The following RANBP2 variants were observed in gnomAD, a reference collection of about 807,000 sequenced individuals.
The protein encoded by RANBP2 is RAN binding protein 2.
In RANBP2, 57 loss-of-function variants were observed where a neutral mutation model predicts 303.6. The observed-to-expected ratio is 0.19, with a 90% confidence interval of 0.15 to 0.23. RANBP2 has a LOEUF of 0.23. Ranked by LOEUF, RANBP2 falls within the 10% of genes least tolerant of loss-of-function variation. The pLI is 1.00. For missense variants in RANBP2, 3,138 were observed against 3,780.8 expected, an observed-to-expected ratio of 0.83 and a Z score of 4.46; for synonymous variants, 1,167 against 1,301.5, an observed-to-expected ratio of 0.90 and a Z score of 2.23.
the RANBP2 span, among the ~76,000 whole-genome samples, chr2:108,875,750 T>C: frequency 6.6e-6 from 1 of 152,158 alleles, no homozygotes; most frequent in South Asian, 2.1e-4. Flanking sequence ...TCCTAGCTAC[T>C]TGGGAGGCTG....
chr2:109,100,979 C>T, the RANBP2 span, among the ~76,000 whole-genome samples: 2 of 152,090 alleles, frequency 1.3e-5, no homozygotes, highest in Admixed American at 1.3e-4. Flanking sequence ...TGCAATATCA[C>T]GATGGGAGAA....
At chr2:109,588,799 A>G in the RANBP2 span, among the ~76,000 whole-genome samples, 3 of 147,968 alleles carry the variant, frequency 2.0e-5, no homozygotes, top group African/African-American at 7.4e-5. Context: ...CTAAAATATT[A>G]TATTATTTGA....
the RANBP2 span, among the ~76,000 whole-genome samples, chr2:109,266,607 C>T: frequency 9.3e-4 from 141 of 152,028 alleles, 1 homozygote; most frequent in African/African-American, 3.2e-3. Context: ...CCTTGGAGTG[C>T]AGAGCAGGGC....
chr2:109,262,855 C>G, the RANBP2 span, among the ~76,000 whole-genome samples: 1 of 151,766 alleles, frequency 6.6e-6, no homozygotes, highest in Admixed American at 6.6e-5. Flanking sequence ...TTTTTTGAGA[C>G]AGAGTCTTCC....
chr2:109,385,596 G>C, the RANBP2 span, among the ~76,000 whole-genome samples: 3 of 152,062 alleles, frequency 2.0e-5, no homozygotes, highest in East Asian at 5.8e-4. Context: ...AATAATCAGC[G>C]CTTTTGGGAA....
At chr2:109,546,117 C>T in the RANBP2 span, 9 of 1,610,836 alleles carry the variant, frequency 5.6e-6, no homozygotes, top group African/African-American at 2.7e-5. Flanking sequence ...TGAAATATCT[C>T]GGAGGTAGCT....
the RANBP2 span, among the ~76,000 whole-genome samples, chr2:109,409,835 T>C: frequency 6.6e-6 from 1 of 152,114 alleles, no homozygotes; most frequent in African/African-American, 2.4e-5. Context: ...GAGGGTCTGA[T>C]TTACACCCCG....
At chr2:109,628,252 G>T in the RANBP2 span, among the ~76,000 whole-genome samples, 1 of 152,142 alleles carries the variant, frequency 6.6e-6, no homozygotes, top group Non-Finnish European at 1.5e-5. Flanking sequence ...CCAGCACTTT[G>T]GGAGGCTAAA....
chr2:109,606,977 A>G, the RANBP2 span, among the ~76,000 whole-genome samples: 1 of 152,196 alleles, frequency 6.6e-6, no homozygotes, highest in Admixed American at 6.5e-5. Context: ...TGAATAGTGA[A>G]GAATTGAAAG....
chr2:108,720,297 C>T lies in RANBP2; in HGVS notation c.72+619C>T, dbSNP rs891223489. On this transcript the variant is annotated intron_variant, in intron 1 of 28. Transcript: ENST00000283195. ...GTAAGGGTCCAGCTCCACTCCGCTC[C>T]TCATACTCACCTCCCTCGCCCCCCT... The T allele has an allele frequency of 6.0e-6, 5 of 835,572 alleles. No individual in the cohort carries two copies. The Admixed American group carries it at 2.5e-4, about 42-fold the overall frequency. The allele number at this position is 835,572 out of a possible 1,614,324, so 51.8% of individuals were successfully genotyped here.
At chr2:108,959,495 T>C in the RANBP2 span, among the ~76,000 whole-genome samples, 3 of 152,230 alleles carry the variant, frequency 2.0e-5, no homozygotes, top group Non-Finnish European at 4.4e-5. Context: ...TTCAATGCTT[T>C]GTTTCTCTGT....
the RANBP2 span, among the ~76,000 whole-genome samples, chr2:108,890,262 T>C: frequency 1.5e-5 from 2 of 129,696 alleles, no homozygotes; most frequent in Non-Finnish European, 3.1e-5. Flanking sequence ...TTTTTTGTAA[T>C]GGGGTCTCAC....
the RANBP2 span, among the ~76,000 whole-genome samples, chr2:109,495,622 GGATT>G: frequency 0.26 from 38,686 of 150,760 alleles, 5,283 homozygotes; most frequent in East Asian, 0.51. Context: ...CAAGTAGCTG[GGATT>G]GATTACAGGC....
At chr2:108,863,764 CA>C in the RANBP2 span, among the ~76,000 whole-genome samples, 2 of 152,186 alleles carry the variant, frequency 1.3e-5, no homozygotes, top group South Asian at 4.1e-4. Flanking sequence ...TTTCCCAGCA[CA>C]AAAGAGCTTT....
the RANBP2 span, among the ~76,000 whole-genome samples, chr2:109,383,853 T>C: frequency 6.6e-6 from 1 of 152,186 alleles, no homozygotes. Flanking sequence ...AGTCCGTCCT[T>C]ATACCCTTTA....
chr2:109,694,995 A>G, the RANBP2 span, among the ~76,000 whole-genome samples: 1 of 151,900 alleles, frequency 6.6e-6, no homozygotes. Flanking sequence ...TGTTTTCTCC[A>G]TTGCTCAGAT....
chr2:109,343,816 C>T, the RANBP2 span, among the ~76,000 whole-genome samples: 1 of 151,748 alleles, frequency 6.6e-6, no homozygotes, highest in African/African-American at 2.4e-5. Context: ...ACGATCATTG[C>T]TCACTGCAGC....
At chr2:108,752,357 G>A (rs1245701935) in intron 12 of RANBP2, among the ~76,000 whole-genome samples, 1 of 150,748 alleles carries the variant, frequency 6.6e-6, no homozygotes, top group Non-Finnish European at 1.5e-5. Context: ...AGGTGTAGAT[G>A]GTCAGCCTTT....
At chr2:109,741,441 G>A in the RANBP2 span, among the ~76,000 whole-genome samples, 4 of 151,058 alleles carry the variant, frequency 2.6e-5, no homozygotes, top group Admixed American at 6.6e-5. Flanking sequence ...AAAGATGGTC[G>A]GGCTCGGTGC....
Sources: gnomAD v4.1 joint callset for allele counts (sites outside exome capture counted in the v4.1 genomes callset) on GRCh38, gnomAD v4.1.1 for gene constraint, MANE v1.5 for transcripts, NCBI Gene and HGNC (gene_info 2026-07-23, HGNC 2026-07-21) for gene names.